The following ITGA8 variants were observed in gnomAD, a reference collection of about 807,000 sequenced individuals.
ITGA8 encodes the protein integrin subunit alpha 8, also known as integrin alpha-8.
Under a neutral mutation model 142.3 loss-of-function variants are expected in ITGA8, and 91 were observed. That is an observed-to-expected ratio of 0.64 (90% confidence interval 0.54 to 0.76). The LOEUF (loss-of-function observed/expected upper bound fraction) is 0.76. Among genes scored for constraint, ITGA8 ranks in the 30% least tolerant of loss-of-function variants. ITGA8 has a pLI of 0.00. For synonymous variants in ITGA8, 505 were observed against 485.2 expected, an observed-to-expected ratio of 1.04 and a Z score of -0.54; for missense variants, 1,406 against 1,327.7, an observed-to-expected ratio of 1.06 and a Z score of -0.92.
chr10:15,642,500 CT>C (rs1833889402), intron 13 of ITGA8, among the ~76,000 whole-genome samples: 1 of 152,150 alleles, frequency 6.6e-6, no homozygotes. Flanking sequence ...ATTAATCACC[CT>C]GACATTTTTG....
chr10:15,702,900 A>T (rs1835191690), intron 2 of ITGA8, among the ~76,000 whole-genome samples: 1 of 152,212 alleles, frequency 6.6e-6, no homozygotes, highest in African/African-American at 2.4e-5. Flanking sequence ...AGCAAGTGAA[A>T]GGCCATTAGA....
intron 13 of ITGA8, among the ~76,000 whole-genome samples, chr10:15,639,815 T>C (rs1470100882): frequency 6.6e-6 from 1 of 152,216 alleles, no homozygotes; most frequent in African/African-American, 2.4e-5. Flanking sequence ...AACATTCGGA[T>C]TTTTTAAAGC....
chr10:15,549,492 T>G (rs969044134), intron 26 of ITGA8, among the ~76,000 whole-genome samples: 4 of 152,164 alleles, frequency 2.6e-5, no homozygotes, highest in African/African-American at 9.7e-5. Context: ...ATTACAGGCA[T>G]GAACCACCAT....
intron 10 of ITGA8, among the ~76,000 whole-genome samples, chr10:15,657,081 T>C (rs1370670811): frequency 1.3e-5 from 2 of 152,236 alleles, no homozygotes; most frequent in Non-Finnish European, 2.9e-5. Flanking sequence ...TGTGGTGGTG[T>C]GTGGCCTTTA....
chr10:15,544,159 A>G (rs574447745), intron 27 of ITGA8, among the ~76,000 whole-genome samples: 4 of 152,312 alleles, frequency 2.6e-5, no homozygotes, highest in African/African-American at 4.8e-5. Flanking sequence ...TGAGCCTGGC[A>G]TGGTGCCAGG....
In ITGA8 at chr10:15,558,692, C is replaced by T. The variant is rs944639164; in HGVS notation, c.2638-490G>A. On this transcript the variant is annotated intron_variant, in intron 25 of 29. Transcript: ENST00000378076. ...GACCCCACATCCACATGGCTGAACC[C>T]CACGTTCCTGCACTCCTTTAGGAGA... Among the ~76,000 whole-genome samples, 7 of 152,114 alleles carry T rather than the reference C, an allele frequency of 4.6e-5. No individual in the cohort carries two copies. The East Asian group carries it at 1.4e-3, about 29-fold the overall frequency.
At position 15,687,331 on chromosome 10, in the gene ITGA8, T is replaced by G. The variant is rs1834850042; in HGVS notation, c.444+607A>C. ...CCCAAACTAAAAAAGACTTCCAGAT[T>G]ACTTCAATAGTCATTTTCTTCTCGG... On this transcript the variant is annotated intron_variant, in intron 3 of 29. Transcript: ENST00000378076. 5.3e-5 allele frequency among the ~76,000 whole-genome samples: 8 copies of G among 152,258 alleles called. No homozygotes were observed. In the South Asian group the frequency reaches 1.7e-3, roughly 32 times the overall value.
chr10:15,705,623 C>A (rs1256204906), intron 2 of ITGA8, among the ~76,000 whole-genome samples: 1 of 152,178 alleles, frequency 6.6e-6, no homozygotes, highest in Non-Finnish European at 1.5e-5. Context: ...TATTAAATTT[C>A]TCTGGTCCCA....
rs1367909400 is a variant in ITGA8, at chr10:15,644,472, A to G, written c.1208-251T>C. ...TATATATATATATATATATATATATATATATATATATATATATATAGAATT... is the reference window on the plus strand; with the variant it reads ...TATATATATATATATATATATATATGTATATATATATATATATATAGAATT... On this transcript the variant is annotated intron_variant, in intron 12 of 29. Transcript: ENST00000378076. Among the ~76,000 whole-genome samples, 8 of 16,308 alleles carry G rather than the reference A, an allele frequency of 4.9e-4. 1 individual carries two copies. The highest frequency in any genetic ancestry group is 8.3e-4 in the African/African-American group (7 of 8,416). The allele number at this position is 16,308 out of a possible 152,430, so 10.7% of individuals were successfully genotyped here. A position where few individuals can be genotyped will look rare whatever the true frequency, so the allele number is the denominator to read the frequency against.
chr10:15,556,090 G>A (rs1420168138), intron 26 of ITGA8, among the ~76,000 whole-genome samples: 5 of 122,432 alleles, frequency 4.1e-5, no homozygotes, highest in Admixed American at 3.3e-4. Flanking sequence ...GCAGTGGCAC[G>A]ATCTCGACTC....
chr10:15,707,543 C>T (rs371797887), intron 2 of ITGA8, among the ~76,000 whole-genome samples: 98 of 152,234 alleles, frequency 6.4e-4, no homozygotes, highest in African/African-American at 2.2e-3. Context: ...ATAATCAAGG[C>T]TAGGTGCAGT....
intron 13 of ITGA8, among the ~76,000 whole-genome samples, chr10:15,625,976 C>T (rs1833574661): frequency 6.6e-6 from 1 of 152,184 alleles, no homozygotes; most frequent in Non-Finnish European, 1.5e-5. Flanking sequence ...CTACCTGGGA[C>T]TAGCCATGTT....
intron 28 of ITGA8, among the ~76,000 whole-genome samples, chr10:15,528,987 TTTCC>T (rs564946319): frequency 1.5e-4 from 21 of 142,252 alleles, no homozygotes; most frequent in Admixed American, 1.5e-3. Flanking sequence ...TCCTTCTTTC[TTTCC>T]TTCCTTCTTC....
chr10:15,716,245 C>A (rs1395004708), intron 2 of ITGA8, among the ~76,000 whole-genome samples: 2 of 152,036 alleles, frequency 1.3e-5, no homozygotes, highest in African/African-American at 2.4e-5. Flanking sequence ...TTTGTGAATT[C>A]TGAAATTATT....
chr10:15,612,913 G>A (rs1352597711), intron 15 of ITGA8, among the ~76,000 whole-genome samples: 1 of 152,188 alleles, frequency 6.6e-6, no homozygotes, highest in African/African-American at 2.4e-5. Flanking sequence ...GTAATCCCAG[G>A]ACTTTGGGAG....
intron 13 of ITGA8, among the ~76,000 whole-genome samples, chr10:15,627,527 T>C (rs1223581066): frequency 1.1e-4 from 17 of 152,110 alleles, no homozygotes; most frequent in Admixed American, 1.1e-3. Flanking sequence ...AGGGTTGGCA[T>C]ATAGAAAGAA....
chr10:15,683,185 A>C (rs895021712), intron 4 of ITGA8, among the ~76,000 whole-genome samples: 2 of 152,136 alleles, frequency 1.3e-5, no homozygotes, highest in East Asian at 3.9e-4. Context: ...ATCCATAGGT[A>C]TCTTATCAAC....
At chr10:15,695,447 C>T (rs1032061990) in intron 2 of ITGA8, among the ~76,000 whole-genome samples, 8 of 152,116 alleles carry the variant, frequency 5.3e-5, no homozygotes, top group Admixed American at 2.6e-4. Context: ...TCTGAAGGTG[C>T]GCTTTCCCTA....
rs13664 is a variant in ITGA8, at chr10:15,514,323, G to T, written c.*2835C>A. ...CGTCAGTATGTTCTCTGGGCAGAAC[G>T]GATTGCTGGAAGGTTTGCCTGACCT... On this transcript the variant is annotated 3_prime_UTR_variant, in exon 30 of 30. Transcript: ENST00000378076. 0.53 allele frequency: 81,148 copies of T among 152,034 alleles called. 24,808 individuals are homozygous for T. Among genetic ancestry groups the T allele is most frequent in the Middle Eastern group, 0.7 (207 of 294 alleles). The allele number at this position is 152,034 out of a possible 1,614,324, so 9.4% of individuals were successfully genotyped here. A position where few individuals can be genotyped will look rare whatever the true frequency, so the allele number is the denominator to read the frequency against.
Sources: gnomAD v4.1 joint callset for allele counts (sites outside exome capture counted in the v4.1 genomes callset) on GRCh38, gnomAD v4.1.1 for gene constraint, MANE v1.5 for transcripts, NCBI Gene and HGNC (gene_info 2026-07-23, HGNC 2026-07-21) for gene names.